NADK: variants seen among roughly 807,000 people sequenced by gnomAD.
NADK encodes NAD kinase, also known as poly(P)/ATP NAD kinase.
Under a neutral mutation model 49.8 loss-of-function variants are expected in NADK, and 22 were observed. The observed-to-expected ratio is 0.44, with a 90% CI of 0.32 to 0.63. NADK has a LOEUF of 0.63. Among genes scored for constraint, NADK ranks in the 30% least tolerant of loss-of-function variants. The pLI is 0.06. For synonymous variants in NADK, 268 were observed against 253.7 expected (o/e 1.06, Z -0.54); for missense variants, 438 against 609.4 (o/e 0.72, Z 2.96).
In NADK at chr1:1,758,060, C is replaced by T. The variant is rs113752694; in HGVS notation, c.264-750G>A. Among the ~76,000 whole-genome samples the T allele has an allele frequency of 2.7e-3, 404 of 152,358 alleles. 1 individual carries two copies. The highest frequency in any genetic ancestry group is 9.2e-3 in the African/African-American group (381 of 41,584). ...AGCCCAGAACCGGGAACACACACCA[C>T]GGAGCCTGCTCCTGTTCCCAGAAGC... On this transcript the variant is annotated intron_variant, in intron 3 of 11. Coordinates refer to ENST00000341426, the MANE Select transcript of NADK (RefSeq NM_023018.5).
chr1:1,752,486 A>T lies in NADK; in HGVS notation c.*418T>A. The T allele has an allele frequency of 6.4e-6, 1 of 157,364 alleles. No homozygotes were observed. The highest frequency in any genetic ancestry group is 1.9e-4 in the East Asian group (1 of 5,360). The allele number at this position is 157,364 out of a possible 1,614,324, so 9.7% of individuals were successfully genotyped here. On this transcript the variant is annotated 3_prime_UTR_variant, in exon 12 of 12. Coordinates refer to ENST00000341426, the MANE Select transcript of NADK (RefSeq NM_023018.5). The stretch of plus-strand genomic sequence containing the variant: ...GTTTTAGGGGAAGAGGTGCAGGTCA[A>T]GGGGAAAAGCATGGCAGCTCAAGGA...
In NADK at chr1:1,753,045, G is replaced by A. The variant is rs371972576; in HGVS notation, c.1200C>T (p.Thr400=). Residue 400 remains threonine, a synonymous_variant, in exon 12 of 12, where the codon ACC becomes ACT. Transcript: ENST00000341426. Reference sequence around the variant, plus strand: ...AGATGGAGGGGAGCGGGTAGCATGAGGTAGTGATGCTGATGCTGGGACGGG... The same window carrying A: ...AGATGGAGGGGAGCGGGTAGCATGAAGTAGTGATGCTGATGCTGGGACGGG... ...IRHGDSISIT[T]SCYPLPSICV... is the part of the protein sequence containing the mutation. The A allele has an allele frequency of 1.4e-5, 23 of 1,610,762 alleles. No homozygotes were observed. In the African/African-American group the frequency reaches 2.8e-4, roughly 20 times the overall value.
intron 3 of NADK, chr1:1,760,028 C>T (rs920486676): frequency 3.0e-6 from 3 of 990,336 alleles, no homozygotes; most frequent in Non-Finnish European, 4.5e-6. Context: ...GGCAGTGGAG[C>T]ACTCTGGGTC....
intron 3 of NADK, 120 bp from the exon 4 acceptor site, chr1:1,757,430 G>A (rs1046110223): frequency 1.6e-5 from 14 of 886,154 alleles, no homozygotes; most frequent in South Asian, 6.6e-5. Context: ...CCAGGGAAAC[G>A]TGCTCGGTGG....
In NADK at chr1:1,752,970, C is replaced by T. The variant is rs758501826; in HGVS notation, c.1275G>A (p.Leu425=). 15 of 1,601,176 alleles carry T rather than the reference C, an allele frequency of 9.4e-6. No homozygotes were observed. The highest frequency in any genetic ancestry group is 1.3e-5 in the Non-Finnish European group (15 of 1,174,396). The change falls in exon 12 of 12, where the codon CTG becomes CTA. Residue 425 remains leucine, a synonymous_variant. Transcript: ENST00000341426. ...CTTGCTTCTTCCGGACGTTCCAATGCAGGCACTGGGCGAGGCTCTCAAACC... is the reference window on the plus strand; with the variant it reads ...CTTGCTTCTTCCGGACGTTCCAATGTAGGCACTGGGCGAGGCTCTCAAACC... ...SDWFESLAQC[L]HWNVRKKQAH...
intron 3 of NADK, chr1:1,758,778 C>T: frequency 2.0e-6 from 1 of 503,566 alleles, no homozygotes; most frequent in Non-Finnish European, 2.6e-6. Context: ...CACTTCAGCT[C>T]CCTGCTCCTA....
intron 1 of NADK, among the ~76,000 whole-genome samples, chr1:1,777,324 A>C (rs892331354): frequency 6.6e-6 from 1 of 152,208 alleles, no homozygotes; most frequent in Non-Finnish European, 1.5e-5. Flanking sequence ...CAGGGGAATA[A>C]GTACTTGAAG....
chr1:1,763,998 G>A (rs767824088), intron 2 of NADK, among the ~76,000 whole-genome samples: 44 of 152,196 alleles, frequency 2.9e-4, no homozygotes, highest in African/African-American at 6.8e-4. Flanking sequence ...CACTGACAAC[G>A]AGGCAACGAG....
At chr1:1,758,441 T>C in intron 3 of NADK, 1 of 1,612,310 alleles carries the variant, frequency 6.2e-7, no homozygotes, top group Non-Finnish European at 8.5e-7. Context: ...GGGTCACACA[T>C]GTGGCTCGCG....
rs1645528549 is a variant in NADK, at chr1:1,756,551, C to T, written c.451G>A (p.Asp151Asn). 12 of 1,613,994 alleles carry T rather than the reference C, an allele frequency of 7.4e-6. No individual in the cohort carries two copies. Among genetic ancestry groups the T allele is most frequent in the African/African-American group, 2.7e-5 (2 of 74,946 alleles). ...KVLEDPAIASDESFGAVKKKF... is the reference protein window; with the variant it reads ...KVLEDPAIASNESFGAVKKKF... ...TTCTTCACTGCCCCAAAGCTTTCAT[C>T]GCTGGCGATGGCAGGGTCTTCTAGC... Residue 151 changes from aspartate (D) to asparagine (N), a missense_variant, in exon 5 of 12, where the codon GAT becomes AAT. Asp to Asn is a conservative substitution (Grantham distance 23, BLOSUM62 1). Transcript: ENST00000341426.
rs1262562914 is a variant in NADK at position 1,765,443 on chromosome 1, A to C, written c.-37T>G. The C allele has an allele frequency of 7.1e-7, 1 of 1,402,912 alleles. No homozygotes were observed. The allele number at this position is 1,402,912 out of a possible 1,614,324, so 86.9% of individuals were successfully genotyped here. ...GAGAACTTCGGTCAGAAAAACACTG[A>C]TGCCTTAATTTAATAAAATAAATAA... On this transcript the variant is annotated 5_prime_UTR_variant, in exon 2 of 12. Transcript: ENST00000341426.
rs751311013 is a variant in NADK, at chr1:1,754,244, A to C, written c.944-36T>G. The C allele has an allele frequency of 1.2e-6, 2 of 1,613,082 alleles. No homozygotes were observed. Among genetic ancestry groups the C allele is most frequent in the African/African-American group, 2.7e-5 (2 of 74,890 alleles). On this transcript the variant is annotated intron_variant, in intron 9 of 11. Transcript: ENST00000341426. This position sits in a 1 kb window ranked among gnomAD's most constrained non-coding sequence, Gnocchi z 4.3. ...CAGGCGCAGGCGTCACTCCCGCCCGAGGGACGCTCAGGGCCCCAGGACAGT... is the reference window on the plus strand; with the variant it reads ...CAGGCGCAGGCGTCACTCCCGCCCGCGGGACGCTCAGGGCCCCAGGACAGT...
intron 3 of NADK, among the ~76,000 whole-genome samples, chr1:1,759,417 A>G (rs957957971): frequency 2.6e-5 from 4 of 152,266 alleles, no homozygotes; most frequent in South Asian, 2.1e-4. Flanking sequence ...GCCAGCTCCT[A>G]CTGAGACTGT....
At chr1:1,778,855 G>C (rs1230845182), upstream of NADK, 1 of 152,228 alleles carries the variant, frequency 6.6e-6, no homozygotes, top group Non-Finnish European at 1.5e-5. This position sits in a 1 kb window ranked among gnomAD's most constrained non-coding sequence, Gnocchi z 4.9. Flanking sequence ...CGCCACCGCG[G>C]GCGGGACCTC....
At position 1,752,858 on chromosome 1, in the gene NADK, C is replaced by T. The variant is rs760621413; in HGVS notation, c.*46G>A. 39 of 1,586,752 alleles carry T rather than the reference C, an allele frequency of 2.5e-5. No homozygotes were observed. The highest frequency in any genetic ancestry group is 3.3e-4 in the Middle Eastern group (2 of 5,972). ...CGCAGATTGGTCTGTCCCCAGAGGGCGCTTGGAGGGCAGCGGAAGGATTCG... is the reference window on the plus strand; with the variant it reads ...CGCAGATTGGTCTGTCCCCAGAGGGTGCTTGGAGGGCAGCGGAAGGATTCG... On this transcript the variant is annotated 3_prime_UTR_variant, in exon 12 of 12. Coordinates refer to ENST00000341426, the MANE Select transcript of NADK (RefSeq NM_023018.5).
Position 1,759,747 on chromosome 1 carries a change from G to T in NADK, c.263+2205C>A, listed in dbSNP as rs569717880. The T allele has an allele frequency of 1.9e-6, 3 of 1,554,766 alleles. No individual in the cohort carries two copies. Among genetic ancestry groups the T allele is most frequent in the Admixed American group, 3.9e-5 (2 of 51,894 alleles). On this transcript the variant is annotated intron_variant, in intron 3 of 11. Coordinates refer to ENST00000341426, the MANE Select transcript of NADK (RefSeq NM_023018.5). ...CCACAAACCCACCGCTTCCTCCTGC[G>T]GGGCTGTCTGGCCTCGGGCAGCTCG... is the stretch of plus-strand genomic sequence containing the variant.
At chr1:1,772,014 G>A (rs571945316) in intron 1 of NADK, among the ~76,000 whole-genome samples, 6 of 148,440 alleles carry the variant, frequency 4.0e-5, no homozygotes, top group Non-Finnish European at 7.4e-5. Context: ...TCCCTATGTT[G>A]CACAGGCTGG....
chr1:1,756,478 A>G, intron 5 of NADK, 25 bp downstream of exon 5: 1 of 1,613,862 alleles, frequency 6.2e-7, no homozygotes, highest in Non-Finnish European at 8.5e-7. Flanking sequence ...TGGAGAAACC[A>G]AGGACAGAGC....
At chr1:1,766,275 G>A (rs1335236019) in intron 1 of NADK, among the ~76,000 whole-genome samples, 1 of 151,550 alleles carries the variant, frequency 6.6e-6, no homozygotes, top group Non-Finnish European at 1.5e-5. Context: ...GCGTGGTTGC[G>A]CATGTCTGTA....
Sources: allele counts gnomAD v4.1 joint callset (sites outside exome capture counted in the v4.1 genomes callset), GRCh38; gene constraint gnomAD v4.1.1; non-coding constraint Gnocchi (gnomAD v3.1); transcripts MANE v1.5; gene names NCBI Gene and HGNC (gene_info 2026-07-23, HGNC 2026-07-21).